The following NUDT9 variants were observed in gnomAD, a reference collection of about 807,000 sequenced individuals.
NUDT9 encodes ADP-ribose pyrophosphatase.
In NUDT9, 31 loss-of-function variants were observed where a neutral mutation model predicts 41.0. That is an observed-to-expected ratio of 0.76 (90% CI 0.57 to 1.02). The LOEUF is 1.02. NUDT9 is among the 50% of genes least tolerant of loss of function. The pLI is 0.00. For synonymous variants in NUDT9, 146 were observed against 147.6 expected (o/e 0.99, Z 0.08); for missense variants, 380 against 431.4 (o/e 0.88, Z 1.06).
In NUDT9 at chr4:87,448,746, T is replaced by C. The variant is rs375509828; in HGVS notation, c.531-396T>C. Among the ~76,000 whole-genome samples the C allele has an allele frequency of 3.9e-4, 60 of 152,320 alleles. 1 individual carries two copies. Among genetic ancestry groups the C allele is most frequent in the African/African-American group, 1.4e-3 (60 of 41,568 alleles). Reference sequence around the variant, plus strand: ...TCTCCCAAAGTGTTGGGATTACAAGTGCGAGACACTGCGCCTGGCAACTAC... The same window carrying C: ...TCTCCCAAAGTGTTGGGATTACAAGCGCGAGACACTGCGCCTGGCAACTAC... On this transcript the variant is annotated intron_variant, in intron 4 of 7. Coordinates refer to ENST00000302174, the MANE Select transcript of NUDT9 (RefSeq NM_024047.5).
rs567502893 is a variant in NUDT9 at position 87,422,737 on chromosome 4, A to T, written c.-169A>T. On this transcript the variant is annotated 5_prime_UTR_variant, in exon 1 of 8. Coordinates refer to ENST00000302174, the MANE Select transcript of NUDT9 (RefSeq NM_024047.5). The stretch of plus-strand genomic sequence containing the variant: ...GACTCTTATCGTGGGAGGGCTCTTG[A>T]TCTGTGATTTATAGATAGGCACAGC... 9.5e-6 allele frequency: 5 copies of T among 524,266 alleles called. No individual in the cohort carries two copies. The highest frequency in any genetic ancestry group is 7.9e-5 in the African/African-American group (4 of 50,462). The allele number at this position is 524,266 out of a possible 1,614,324, so 32.5% of individuals were successfully genotyped here. A position where few individuals can be genotyped will look rare whatever the true frequency, so the allele number is the denominator to read the frequency against.
At chr4:87,455,605 T>C (rs949590093) in intron 7 of NUDT9, among the ~76,000 whole-genome samples, 5 of 152,084 alleles carry the variant, frequency 3.3e-5, no homozygotes, top group Admixed American at 6.5e-5. Flanking sequence ...TTTGTTTCTT[T>C]AGGCTATGTT....
At chr4:87,425,650 C>T (rs1721380368) in intron 1 of NUDT9, among the ~76,000 whole-genome samples, 1 of 148,944 alleles carries the variant, frequency 6.7e-6, no homozygotes, top group African/African-American at 2.5e-5. Context: ...CTGCCTTGGC[C>T]TCTCAAAGTG....
intron 7 of NUDT9, among the ~76,000 whole-genome samples, chr4:87,457,085 C>T (rs145743396): frequency 9.5e-4 from 145 of 152,206 alleles, no homozygotes; most frequent in Non-Finnish European, 1.5e-3. Flanking sequence ...ACACAAGATG[C>T]ACTCTGATAT....
At chr4:87,445,608 A>G (rs1418469831) in intron 4 of NUDT9, 1 of 152,186 alleles carries the variant, frequency 6.6e-6, no homozygotes, top group Non-Finnish European at 1.5e-5. Flanking sequence ...AATTGATGAC[A>G]ATTTCATTTT....
chr4:87,427,799 A>G (rs1182969257), intron 1 of NUDT9, among the ~76,000 whole-genome samples: 1 of 152,132 alleles, frequency 6.6e-6, no homozygotes, highest in Non-Finnish European at 1.5e-5. Context: ...ATGAAACATA[A>G]CTCATTTTGT....
chr4:87,449,011 A>G, intron 4 of NUDT9, 131 bp from the exon 5 acceptor site: 1 of 570,804 alleles, frequency 1.8e-6, no homozygotes, highest in Non-Finnish European at 3.1e-6. Flanking sequence ...TTTAAATAAA[A>G]CTAGCTGATT....
chr4:87,422,907 TG>T lies in NUDT9; in HGVS notation c.4del (p.Ala2?), dbSNP rs760633159. ...CGCAAAGCCGCCCTCGGGGCGCTCA[TG>T]GCGGGACGCCTCCTGGGAAAGGCTT... MAGRLLGKALA... is the reference protein window; with the variant it reads XAGRLLGKALA... On this transcript the variant is annotated frameshift_variant and start_lost, in exon 1 of 8. Coordinates refer to ENST00000302174, the MANE Select transcript of NUDT9 (RefSeq NM_024047.5). LOFTEE classifies it high-confidence loss of function. 76 of 1,609,440 alleles carry T rather than the reference TG, an allele frequency of 4.7e-5. No homozygotes were observed. The highest frequency in any genetic ancestry group is 6.2e-5 in the Non-Finnish European group (73 of 1,179,484).
chr4:87,442,624 C>T (rs1722251577), intron 4 of NUDT9, among the ~76,000 whole-genome samples: 1 of 152,186 alleles, frequency 6.6e-6, no homozygotes, highest in Admixed American at 6.5e-5. Flanking sequence ...ACACATCATG[C>T]AACTGTACAA....
intron 1 of NUDT9, among the ~76,000 whole-genome samples, chr4:87,429,093 C>G (rs1721564453): frequency 1.3e-5 from 2 of 151,986 alleles, no homozygotes; most frequent in Non-Finnish European, 2.9e-5. Flanking sequence ...CGAAGAGGGA[C>G]CAGGAGGAAG....
chr4:87,432,698 A>C (rs1721738368), intron 1 of NUDT9, among the ~76,000 whole-genome samples: 1 of 151,802 alleles, frequency 6.6e-6, no homozygotes, highest in South Asian at 2.1e-4. Context: ...TAGTTTGTTG[A>C]ATATTCTTAA....
Position 87,438,370 on chromosome 4 carries a change from G to A in NUDT9, c.441G>A (p.Pro147=), listed in dbSNP as rs115855591. Residue 147 remains proline (P), a splice_region_variant and synonymous_variant, in exon 3 of 8, where the codon CCG becomes CCA. Transcript: ENST00000302174. ...TGTATGAGATTGAAAATGGAAGACC[G>A]AGGTAGGTACTGGGAGCAGAGCATC... ...NGLYEIENGR[P]RNPAGRTGLV... is the part of the protein sequence containing the mutation. 5.6e-5 allele frequency: 88 copies of A among 1,569,410 alleles called. No individual in the cohort carries two copies. The highest frequency in any genetic ancestry group is 7.1e-5 in the Non-Finnish European group (81 of 1,139,828).
chr4:87,434,626 C>CT (rs35889524), intron 1 of NUDT9, among the ~76,000 whole-genome samples: 1,880 of 142,318 alleles, frequency 0.013, 25 homozygotes, highest in African/African-American at 0.043. Flanking sequence ...GAATTAGGTT[C>CT]TTTTTTTTTT....
At chr4:87,437,386 G>A (rs1721990535) in intron 2 of NUDT9, among the ~76,000 whole-genome samples, 1 of 151,850 alleles carries the variant, frequency 6.6e-6, no homozygotes, top group South Asian at 2.1e-4. Context: ...TGTCGCCCAG[G>A]CTGGAGTGCA....
chr4:87,441,164 A>C lies in NUDT9; in HGVS notation c.444-665A>C, dbSNP rs575073734. On this transcript the variant is annotated intron_variant, in intron 3 of 7. Transcript: ENST00000302174. The stretch of plus-strand genomic sequence containing the variant: ...GTAGAATTACATGTTAGAACATTTT[A>C]GTAGTACATAATGAAAGTTGAACAT... 3.9e-5 allele frequency among the ~76,000 whole-genome samples: 6 copies of C among 152,344 alleles called. No individual in the cohort carries two copies. The East Asian group carries it at 1.2e-3, about 29-fold the overall frequency.
intron 1 of NUDT9, 32 bp downstream of exon 1, chr4:87,423,044 C>T: frequency 1.3e-6 from 2 of 1,552,464 alleles, no homozygotes; most frequent in Admixed American, 1.8e-5. Flanking sequence ...GGCTCCTTTG[C>T]CCTAGACCTT....
intron 6 of NUDT9, 34 bp downstream of exon 6, chr4:87,451,769 C>A: frequency 1.9e-6 from 3 of 1,579,220 alleles, no homozygotes; most frequent in Non-Finnish European, 1.7e-6. Flanking sequence ...GGATTTAGTT[C>A]TGTGGATTGA....
intron 7 of NUDT9, among the ~76,000 whole-genome samples, chr4:87,454,773 C>CA (rs756217453): frequency 1.3e-5 from 2 of 151,762 alleles, no homozygotes; most frequent in Non-Finnish European, 2.9e-5. Context: ...TTTTGCAAAA[C>CA]AAAAGCAACT....
chr4:87,454,277 G>C, intron 6 of NUDT9, 94 bp from the exon 7 acceptor site: 1 of 705,102 alleles, frequency 1.4e-6, no homozygotes, highest in Non-Finnish European at 2.6e-6. Context: ...TGGGCAACAG[G>C]ATATTTACAT....
Sources: allele counts gnomAD v4.1 joint callset (sites outside exome capture counted in the v4.1 genomes callset), GRCh38; gene constraint gnomAD v4.1.1; transcripts MANE v1.5; gene names NCBI Gene and HGNC (gene_info 2026-07-23, HGNC 2026-07-21).